SYNE1: variants seen among roughly 807,000 people sequenced by gnomAD.
SYNE1 encodes nesprin-1.
Under a neutral mutation model 1,111.0 loss-of-function variants are expected in SYNE1, and 616 were observed. That is an observed-to-expected ratio of 0.55 (90% CI 0.52 to 0.59). The LOEUF is 0.59. Among genes scored for constraint, SYNE1 ranks in the 20% least tolerant of loss-of-function variants. SYNE1 has a pLI of 0.00. For synonymous variants in SYNE1, 3,855 were observed against 3,825.8 expected (o/e 1.01, Z -0.28); for missense variants, 10,006 against 10,417.0 (o/e 0.96, Z 1.72).
chr6:152,498,728 T>A lies in SYNE1; in HGVS notation c.939+14A>T, dbSNP rs531123529. 110 of 1,540,976 alleles carry A rather than the reference T, an allele frequency of 7.1e-5. 1 individual carries two copies. The South Asian group carries it at 1.3e-3, about 18-fold the overall frequency. The stretch of plus-strand genomic sequence containing the variant: ...TTGAAAGAGGTCATCAATGCAAGAT[T>A]ACTTAAATCTTACCTTAAAATTTTG... On this transcript the variant is annotated intron_variant, in intron 11 of 145. Transcript: ENST00000367255.
intron 93 of SYNE1, among the ~76,000 whole-genome samples, chr6:152,298,485 A>G (rs1464286698): frequency 1.3e-5 from 2 of 152,242 alleles, no homozygotes; most frequent in African/African-American, 4.8e-5. Flanking sequence ...AGCTACTGTC[A>G]GAGACAGAAT....
Position 152,413,477 on chromosome 6 carries a change from T to C in SYNE1, c.6105A>G (p.Leu2035=), listed in dbSNP as rs764978876. ...EDELNSHEHE[L]CWLKDKAKQI... is the part of the protein sequence containing the mutation. ...GCTTGGCTTTGTCTTTCAACCAACA[T>C]AGTTCATGCTCGTGAGAATTCAATT... Residue 2035 remains leucine, a synonymous_variant, in exon 42 of 146, where the codon CTA becomes CTG. Transcript: ENST00000367255. 1.9e-6 allele frequency: 3 copies of C among 1,614,172 alleles called. No individual in the cohort carries two copies. The highest frequency in any genetic ancestry group is 1.3e-5 in the African/African-American group (1 of 75,056).
At chr6:152,362,599 CT>C (rs2096953284) in intron 63 of SYNE1, among the ~76,000 whole-genome samples, 1 of 152,120 alleles carries the variant, frequency 6.6e-6, no homozygotes, top group Admixed American at 6.5e-5. Flanking sequence ...ACACGAGACA[CT>C]GGGGGAGCCT....
intron 4 of SYNE1, among the ~76,000 whole-genome samples, chr6:152,528,635 G>T (rs1199917212): frequency 6.6e-6 from 1 of 152,190 alleles, no homozygotes; most frequent in African/African-American, 2.4e-5. Flanking sequence ...TAGAGATGCA[G>T]ATAATTTATT....
intron 63 of SYNE1, among the ~76,000 whole-genome samples, chr6:152,363,080 A>G (rs2096963451): frequency 6.6e-6 from 1 of 151,074 alleles, no homozygotes. Context: ...ACAGGGTTTC[A>G]CTGTGTTAGC....
intron 145 of SYNE1, among the ~76,000 whole-genome samples, chr6:152,130,517 C>G (rs2055243317): frequency 6.6e-6 from 1 of 152,114 alleles, no homozygotes; most frequent in South Asian, 2.1e-4. Flanking sequence ...TTCACGGAGT[C>G]CAAATATTTT....
rs1479383918 is a variant in SYNE1 at position 152,253,833 on chromosome 6, T to G, written c.19470+1047A>C. Among the ~76,000 whole-genome samples the G allele has an allele frequency of 1.3e-3, 80 of 63,648 alleles. 1 individual carries two copies. Among genetic ancestry groups the G allele is most frequent in the African/African-American group, 7.8e-3 (75 of 9,580 alleles). 41.8% of individuals were successfully genotyped at this position (63,648 alleles called of 152,430 possible). A position where few individuals can be genotyped will look rare whatever the true frequency, so the allele number is the denominator to read the frequency against. On this transcript the variant is annotated intron_variant, in intron 104 of 145. Coordinates refer to ENST00000367255, the MANE Select transcript of SYNE1 (RefSeq NM_182961.4). ...TAGTGGTTTGGTTTTTTTTTTTTTT[T>G]TTTTTTTTTTTTTTTTTTTTTTTTT... is the stretch of plus-strand genomic sequence containing the variant.
At chr6:152,165,072 G>GA (rs2063346616) in intron 130 of SYNE1, among the ~76,000 whole-genome samples, 1 of 148,932 alleles carries the variant, frequency 6.7e-6, no homozygotes, top group South Asian at 2.1e-4. Flanking sequence ...AGATATTCGC[G>GA]CCCCCTCCCC....
At chr6:152,372,666 C>T (rs1008156629) in intron 59 of SYNE1, among the ~76,000 whole-genome samples, 1 of 152,218 alleles carries the variant, frequency 6.6e-6, no homozygotes, top group South Asian at 2.1e-4. Flanking sequence ...ACACTCTCAT[C>T]TGCAGCATTT....
chr6:152,326,518 T>C lies in SYNE1; in HGVS notation c.15071A>G (p.Asp5024Gly). The C allele has an allele frequency of 6.2e-7, 1 of 1,614,222 alleles. No homozygotes were observed. Among genetic ancestry groups the C allele is most frequent in the Middle Eastern group, 1.6e-4 (1 of 6,062 alleles). ...ELLQLAGNGL[D>G]VESAEENLKS... ...GAGATTTTCCTCTGCGCTCTCCACG[T>C]CTAGGCCATTGCCTGCCAGCTGTAA... Residue 5024 changes from aspartate to glycine, a missense_variant, in exon 79 of 146, where the codon GAC becomes GGC. Around this residue, in one of 7 missense-constraint regions of SYNE1, gnomAD observed 4,955 missense variants for 5,017.2 expected, o/e 0.99. Transcript: ENST00000367255.
Position 152,234,750 on chromosome 6 carries a change from T to C in SYNE1, c.20447A>G (p.Asp6816Gly), listed in dbSNP as rs964825731. 1 of 1,614,204 alleles carries C rather than the reference T, an allele frequency of 6.2e-7. No individual in the cohort carries two copies. The highest frequency in any genetic ancestry group is 8.5e-7 in the Non-Finnish European group (1 of 1,180,022). Residue 6816 changes from aspartate (D) to glycine (G), a missense_variant, in exon 111 of 146, where the codon GAC (aspartate) becomes GGC (glycine). This residue lies in a region of SYNE1 where 2,182 missense variants were observed against 2,287.8 expected (regional missense o/e 0.95). Coordinates refer to ENST00000367255, the MANE Select transcript of SYNE1 (RefSeq NM_182961.4). ...TTGCTGAGTCCAAAATTCTAGCCGG[T>C]CTTTTGCAGATTGTAACCAGTGAAT... Reference protein sequence around the residue: ...DLIHWLQSAKDRLEFWTQQSV... With the variant: ...DLIHWLQSAKGRLEFWTQQSV...
chr6:152,371,197 C>A (rs980427508), intron 59 of SYNE1, among the ~76,000 whole-genome samples: 4 of 152,036 alleles, frequency 2.6e-5, no homozygotes, highest in African/African-American at 9.7e-5. Context: ...ATTGTAGTTC[C>A]CATAATCCCC....
chr6:152,500,812 G>A lies in SYNE1; in HGVS notation c.888+1821C>T, dbSNP rs186439578. On this transcript the variant is annotated intron_variant, in intron 10 of 145. Transcript: ENST00000367255. ...AAAAATACAAAAAAATTAGCCGGGCGTGGTGGCGGGCGCCTGTAGTCCCAG... is the reference window on the plus strand; with the variant it reads ...AAAAATACAAAAAAATTAGCCGGGCATGGTGGCGGGCGCCTGTAGTCCCAG... 5.9e-5 allele frequency among the ~76,000 whole-genome samples: 9 copies of A among 151,892 alleles called. No homozygotes were observed. The South Asian group carries it at 6.2e-4, about 11-fold the overall frequency.
chr6:152,166,547 C>A (rs561388631), intron 130 of SYNE1, among the ~76,000 whole-genome samples: 1 of 152,044 alleles, frequency 6.6e-6, no homozygotes, highest in Non-Finnish European at 1.5e-5. Context: ...TCCATAGGAC[C>A]GTCTACATTA....
chr6:152,518,013 A>G, intron 6 of SYNE1, among the ~76,000 whole-genome samples: 1 of 138,270 alleles, frequency 7.2e-6, no homozygotes, highest in Non-Finnish European at 1.7e-5. Flanking sequence ...TAGAACACAA[A>G]CAACAACAAA....
At chr6:152,610,211 A>G (rs1040264271) in intron 3 of SYNE1, among the ~76,000 whole-genome samples, 2 of 152,208 alleles carry the variant, frequency 1.3e-5, no homozygotes, top group Admixed American at 1.3e-4. Flanking sequence ...CTAAAGGAGC[A>G]TGTTCAAACC....
chr6:152,321,904 G>T lies in SYNE1; in HGVS notation c.15918-18C>A. The T allele has an allele frequency of 6.2e-7, 1 of 1,613,796 alleles. No individual in the cohort carries two copies. Among genetic ancestry groups the T allele is most frequent in the Non-Finnish European group, 8.5e-7 (1 of 1,179,898 alleles). On this transcript the variant is annotated intron_variant, in intron 82 of 145. Coordinates refer to ENST00000367255, the MANE Select transcript of SYNE1 (RefSeq NM_182961.4). Reference sequence around the variant, plus strand: ...CCTGCATGCTTCAGAAACATTACAGGGATAAAACAGAAGTGAAGTGAAAGG... The same window carrying T: ...CCTGCATGCTTCAGAAACATTACAGTGATAAAACAGAAGTGAAGTGAAAGG...
intron 87 of SYNE1, chr6:152,316,001 G>A (rs755713982): frequency 6.6e-6 from 1 of 152,112 alleles, no homozygotes; most frequent in African/African-American, 2.4e-5. Context: ...TAGAATACTC[G>A]ATACCCATGT....
chr6:152,442,392 G>T (rs2098539917), intron 30 of SYNE1, 147 bp from the exon 31 acceptor site: 2 of 840,624 alleles, frequency 2.4e-6, no homozygotes, highest in African/African-American at 1.7e-5. Context: ...ATGGTAGTCG[G>T]TTGCTATATT....
Sources: gnomAD v4.1 joint callset for allele counts (sites outside exome capture counted in the v4.1 genomes callset) on GRCh38, gnomAD v4.1.1 for gene constraint, gnomAD v4.1.1 regional missense constraint, MANE v1.5 for transcripts, NCBI Gene and HGNC (gene_info 2026-07-23, HGNC 2026-07-21) for gene names.